The following DLC1 variants were observed in gnomAD, a reference collection of about 807,000 sequenced individuals.
DLC1 encodes the protein DLC1 Rho GTPase activating protein.
In DLC1, 54 loss-of-function variants were observed where a neutral mutation model predicts 140.3. That is an observed-to-expected ratio of 0.38 (90% CI 0.31 to 0.48). DLC1 has a LOEUF of 0.48. DLC1 is among the 20% of genes least tolerant of loss of function. The pLI, the probability that DLC1 is intolerant of heterozygous loss-of-function variation, is 0.96. For missense variants in DLC1, 2,536 were observed against 1,907.0 expected (o/e 1.33, Z -6.14); for synonymous variants, 986 against 728.1 (o/e 1.35, Z -5.70).
intron 3 of DLC1, among the ~76,000 whole-genome samples, chr8:13,399,950 C>G (rs529801812): frequency 1.2e-4 from 18 of 152,174 alleles, no homozygotes; most frequent in Admixed American, 5.2e-4. Flanking sequence ...GCAGTTTGTC[C>G]TCTGTATCTG....
chr8:13,096,546 C>T (rs920480860), intron 10 of DLC1, among the ~76,000 whole-genome samples: 1 of 151,698 alleles, frequency 6.6e-6, no homozygotes, highest in Non-Finnish European at 1.5e-5. Context: ...GAGAAAAGCC[C>T]GACGGCGGAA....
chr8:13,362,759 C>T (rs766734675), intron 4 of DLC1, among the ~76,000 whole-genome samples: 9 of 152,180 alleles, frequency 5.9e-5, no homozygotes, highest in Non-Finnish European at 1.2e-4. Context: ...CTGGCCCCTT[C>T]CCGTTCTCTA....
At chr8:13,332,406 T>C (rs192222443) in intron 4 of DLC1, among the ~76,000 whole-genome samples, 34 of 151,168 alleles carry the variant, frequency 2.2e-4, no homozygotes, top group Non-Finnish European at 3.5e-4. Flanking sequence ...AAACACTGAA[T>C]GTTCACTATT....
At chr8:13,459,485 T>C (rs1204222630) in intron 2 of DLC1, among the ~76,000 whole-genome samples, 1 of 152,262 alleles carries the variant, frequency 6.6e-6, no homozygotes, top group Non-Finnish European at 1.5e-5. Context: ...AGTAACTCTT[T>C]TGAGCATAAT....
chr8:13,581,045 G>C (rs1038351839), intron 1 of DLC1, among the ~76,000 whole-genome samples: 2 of 152,140 alleles, frequency 1.3e-5, no homozygotes, highest in African/African-American at 2.4e-5. Context: ...AAACCTTAAA[G>C]TTGTCAGTAG....
At chr8:13,302,258 A>C (rs1454267266) in intron 5 of DLC1, among the ~76,000 whole-genome samples, 1 of 152,212 alleles carries the variant, frequency 6.6e-6, no homozygotes, top group East Asian at 1.9e-4. Context: ...TCCTCCAACT[A>C]GAGTTTGAGT....
At chr8:13,445,432 C>T (rs890634729) in intron 2 of DLC1, among the ~76,000 whole-genome samples, 2 of 152,120 alleles carry the variant, frequency 1.3e-5, no homozygotes, top group East Asian at 1.9e-4. Context: ...CCTCACAGGG[C>T]TTATAAGTCA....
At position 13,500,007 on chromosome 8, in the gene DLC1, A is replaced by G. The variant is rs773335959; in HGVS notation, c.65T>C (p.Phe22Ser). The G allele has an allele frequency of 9.9e-6, 16 of 1,613,976 alleles. No individual in the cohort carries two copies. Among genetic ancestry groups the G allele is most frequent in the Non-Finnish European group, 1.4e-5 (16 of 1,179,990 alleles). Reference sequence around the variant, plus strand: ...TGCTGTGTTACGATCATCAGAATTAAAAGGCTGTCCCATCCAGTGGGTCAC... The same window carrying G: ...TGCTGTGTTACGATCATCAGAATTAGAAGGCTGTCCCATCCAGTGGGTCAC... ...EHVTHWMGQP[F>S]NSDDRNTACH... The change falls in exon 2 of 18, where the codon TTT becomes TCT. Residue 22 changes from phenylalanine (F) to serine (S), a missense_variant. Phe to Ser is a radical substitution (Grantham distance 155). Coordinates refer to ENST00000276297, the MANE Select transcript of DLC1 (RefSeq NM_182643.3).
chr8:13,508,532 T>C (rs1802213170), intron 1 of DLC1, among the ~76,000 whole-genome samples: 2 of 151,936 alleles, frequency 1.3e-5, no homozygotes, highest in South Asian at 2.1e-4. Context: ...ATTCCCCTGC[T>C]TCAGCCTCCT....
chr8:13,572,398 G>C (rs1804692208), intron 1 of DLC1, among the ~76,000 whole-genome samples: 1 of 152,114 alleles, frequency 6.6e-6, no homozygotes, highest in Non-Finnish European at 1.5e-5. Context: ...ATTCTTATCA[G>C]ATATATGATT....
chr8:13,228,655 C>G (rs1828908075), intron 5 of DLC1, among the ~76,000 whole-genome samples: 1 of 152,152 alleles, frequency 6.6e-6, no homozygotes, highest in Non-Finnish European at 1.5e-5. Context: ...GAGGCTGAGG[C>G]AAGAAGATTG....
chr8:13,376,938 T>C (rs1836020252), intron 4 of DLC1, among the ~76,000 whole-genome samples: 1 of 152,146 alleles, frequency 6.6e-6, no homozygotes, highest in Admixed American at 6.6e-5. Flanking sequence ...TGTCAGCAGA[T>C]TGTAAATATA....
intron 5 of DLC1, among the ~76,000 whole-genome samples, chr8:13,278,454 A>G (rs762683046): frequency 9.2e-5 from 14 of 152,192 alleles, no homozygotes; most frequent in Non-Finnish European, 1.9e-4. Context: ...GGCCTGCGGA[A>G]CTTTAGGATG....
rs1823801790 is a variant in DLC1, at chr8:13,151,417, C to T, written c.1349-35760G>A. 1.3e-5 allele frequency among the ~76,000 whole-genome samples: 2 copies of T among 152,124 alleles called. 1 individual carries two copies. Among genetic ancestry groups the T allele is most frequent in the South Asian group, 4.1e-4 (2 of 4,826 alleles). On this transcript the variant is annotated intron_variant, in intron 5 of 17. Transcript: ENST00000276297. ...ATTTAGGCAGAATTTGAACAACTTG[C>T]CTAAGGTCATACAGGTGGTAAACAG...
At chr8:13,362,695 C>A (rs1052220470) in intron 4 of DLC1, among the ~76,000 whole-genome samples, 1 of 152,090 alleles carries the variant, frequency 6.6e-6, no homozygotes, top group African/African-American at 2.4e-5. Context: ...ATTATATTTA[C>A]AATAAAACTC....
At chr8:13,397,898 C>T (rs549036683) in intron 3 of DLC1, among the ~76,000 whole-genome samples, 11 of 152,092 alleles carry the variant, frequency 7.2e-5, no homozygotes, top group South Asian at 2.1e-4. Context: ...TTCTGGAGGC[C>T]GAGGTGAGCA....
chr8:13,100,382 C>G lies in DLC1; in HGVS notation c.1955G>C (p.Ser652Thr). Residue 652 changes from serine (S) to threonine (T), a missense_variant, in exon 9 of 18, where the codon AGC becomes ACC. Transcript: ENST00000276297. ...GGCAGTTTTTTCGTGGCCTTTCATG[C>G]TGAAGCTGAAGCTGGACAGTTCCTT... Reference protein sequence around the residue: ...SPKELSSFSFSMKGHEKTAKS... With the variant: ...SPKELSSFSFTMKGHEKTAKS... 6.2e-7 allele frequency: 1 copy of G among 1,614,190 alleles called. No homozygotes were observed. Among genetic ancestry groups the G allele is most frequent in the Non-Finnish European group, 8.5e-7 (1 of 1,180,038 alleles).
intron 5 of DLC1, among the ~76,000 whole-genome samples, chr8:13,237,156 T>C (rs1216732991): frequency 6.6e-6 from 1 of 150,880 alleles, no homozygotes; most frequent in Non-Finnish European, 1.5e-5. Flanking sequence ...AAAAAAAATA[T>C]ACACAATGAT....
intron 2 of DLC1, among the ~76,000 whole-genome samples, chr8:13,454,349 C>G (rs1799294649): frequency 6.6e-6 from 1 of 152,046 alleles, no homozygotes; most frequent in Admixed American, 6.6e-5. Context: ...AAAAAAAGTT[C>G]CTGTCTTCCT....
Sources: allele counts gnomAD v4.1 joint callset (sites outside exome capture counted in the v4.1 genomes callset), GRCh38; gene constraint gnomAD v4.1.1; transcripts MANE v1.5; gene names NCBI Gene and HGNC (gene_info 2026-07-23, HGNC 2026-07-21).